Variants in NAALADL2 observed in about 807,000 individuals in gnomAD.
The protein encoded by NAALADL2 is N-acetylated alpha-linked acidic dipeptidase like 2, also known as inactive N-acetylated-alpha-linked acidic dipeptidase-like protein 2.
Under a neutral mutation model 87.2 loss-of-function variants are expected in NAALADL2, and 76 were observed. The ratio of observed to expected loss-of-function variants is 0.87; its 90% CI spans 0.72 to 1.05. The LOEUF (loss-of-function observed/expected upper bound fraction) is 1.05. Among genes scored for constraint, NAALADL2 ranks in the 50% least tolerant of loss-of-function variants. NAALADL2 has a pLI of 0.00. For missense variants in NAALADL2, 1,089 were observed against 945.8 expected (o/e 1.15, Z -1.99); for synonymous variants, 354 against 331.0 (o/e 1.07, Z -0.75).
At chr3:175,123,369 A>G (rs539485407) in intron 2 of NAALADL2, among the ~76,000 whole-genome samples, 3 of 152,028 alleles carry the variant, frequency 2.0e-5, no homozygotes, top group Admixed American at 6.6e-5. Context: ...CCAAGTCATG[A>G]TTTCTGTCAT....
chr3:174,993,491 T>C (rs753354247), intron 1 of NAALADL2, among the ~76,000 whole-genome samples: 3 of 151,912 alleles, frequency 2.0e-5, no homozygotes, highest in African/African-American at 7.3e-5. Flanking sequence ...ATAAATATTA[T>C]CAAAGGAAGG....
At chr3:174,735,520 A>G (rs570792543) in intron 2 of NAALADL2, among the ~76,000 whole-genome samples, 1 of 152,136 alleles carries the variant, frequency 6.6e-6, no homozygotes, top group Non-Finnish European at 1.5e-5. Context: ...AGAGATACTA[A>G]GTTACTTCCT....
intron 1 of NAALADL2, among the ~76,000 whole-genome samples, chr3:174,885,464 A>G (rs1729975241): frequency 6.6e-6 from 1 of 152,178 alleles, no homozygotes; most frequent in African/African-American, 2.4e-5. Flanking sequence ...ACATATGGTC[A>G]AAGGTATTAT....
chr3:175,077,970 C>A (rs1007104924), intron 1 of NAALADL2, among the ~76,000 whole-genome samples: 4 of 151,764 alleles, frequency 2.6e-5, no homozygotes, highest in Non-Finnish European at 4.4e-5. Context: ...ACTACCTACA[C>A]TCATAATGAG....
rs879732139 is a variant in NAALADL2 at position 174,566,775 on chromosome 3, AT to A, written c.-115+16150del. Reference sequence around the variant, plus strand: ...AAGTTTTCCTCTTGTTTCATTTTCAATTTTTTTTTTTTATTTCTAAAAGTTC... The same window carrying A: ...AAGTTTTCCTCTTGTTTCATTTTCAATTTTTTTTTTTATTTCTAAAAGTTC... On this transcript the variant is annotated intron_variant, in intron 2 of 3. Transcript: ENST00000434257. Among the ~76,000 whole-genome samples the A allele has an allele frequency of 5.0e-3, 705 of 140,974 alleles. 3 individuals are homozygous for A. The highest frequency in any genetic ancestry group is 7.5e-3 in the Middle Eastern group (2 of 268). 92.5% of individuals were successfully genotyped at this position (140,974 alleles called of 152,430 possible). A position where few individuals can be genotyped will look rare whatever the true frequency, so the allele number is the denominator to read the frequency against.
At chr3:175,599,272 C>T (rs1272083117) in intron 10 of NAALADL2, among the ~76,000 whole-genome samples, 1 of 151,878 alleles carries the variant, frequency 6.6e-6, no homozygotes, top group African/African-American at 2.4e-5. Context: ...TCCATAGTCC[C>T]AATAAAATTA....
At chr3:174,887,823 T>TC (rs1730362755) in intron 1 of NAALADL2, among the ~76,000 whole-genome samples, 1 of 145,800 alleles carries the variant, frequency 6.9e-6, no homozygotes, top group African/African-American at 2.5e-5. Context: ...TTGAGCATCT[T>TC]TTTTTTTTTT....
At chr3:174,710,336 G>C (rs1464938534) in intron 2 of NAALADL2, among the ~76,000 whole-genome samples, 1 of 149,946 alleles carries the variant, frequency 6.7e-6, no homozygotes, top group Non-Finnish European at 1.5e-5. Context: ...CTCACTGCAA[G>C]CTCTGCCTCC....
intron 1 of NAALADL2, among the ~76,000 whole-genome samples, chr3:175,084,719 G>A (rs867442121): frequency 4.0e-4 from 60 of 151,856 alleles, no homozygotes; most frequent in Admixed American, 3.8e-3. Flanking sequence ...ACATTTCTGT[G>A]GTCAAAGAAT....
In NAALADL2 at chr3:175,805,312, G is replaced by A. The variant is rs531018868; in HGVS notation, c.*2109G>A. 6 of 151,918 alleles carry A rather than the reference G, an allele frequency of 3.9e-5. No homozygotes were observed. Among genetic ancestry groups the A allele is most frequent in the East Asian group, 3.9e-4 (2 of 5,164 alleles). The allele number at this position is 151,918 out of a possible 1,614,324, so 9.4% of individuals were successfully genotyped here. On this transcript the variant is annotated 3_prime_UTR_variant, in exon 14 of 14. Transcript: ENST00000454872. ...CTTCTTCATTTTGTTTAAAGATTGC[G>A]TACCTAGGTAAGTCACACTGTATAG...
At chr3:175,690,066 T>G (rs918269542) in intron 11 of NAALADL2, among the ~76,000 whole-genome samples, 1 of 152,046 alleles carries the variant, frequency 6.6e-6, no homozygotes, top group African/African-American at 2.4e-5. Flanking sequence ...ACACAAAACA[T>G]ATAGAGAGTA....
chr3:175,489,125 A>G (rs1354883398), intron 9 of NAALADL2, among the ~76,000 whole-genome samples: 2 of 152,210 alleles, frequency 1.3e-5, no homozygotes, highest in African/African-American at 2.4e-5. Context: ...TAAAACTTCA[A>G]ATAAAACTAA....
chr3:175,100,764 G>A (rs561853505), intron 2 of NAALADL2, among the ~76,000 whole-genome samples: 9 of 151,156 alleles, frequency 6.0e-5, no homozygotes, highest in East Asian at 1.9e-4. Context: ...GCTTGAACTC[G>A]GGAGGCGGAG....
At position 175,701,638 on chromosome 3, in the gene NAALADL2, A is replaced by T. The variant is rs188240103; in HGVS notation, c.1897-35668A>T. ...TTAAACGTATCAAGCAGAATGAAAC[A>T]GCAGCAGAAGCTGACACCAGTGCAG... On this transcript the variant is annotated intron_variant, in intron 11 of 13. Transcript: ENST00000454872. Among the ~76,000 whole-genome samples, 320 of 152,272 alleles carry T rather than the reference A, an allele frequency of 2.1e-3. 4 individuals are homozygous for T. Among genetic ancestry groups the T allele is most frequent in the African/African-American group, 7.5e-3 (310 of 41,562 alleles).
chr3:174,466,367 G>A (rs1019554460), intron 1 of NAALADL2, among the ~76,000 whole-genome samples: 2 of 150,506 alleles, frequency 1.3e-5, no homozygotes, highest in African/African-American at 4.9e-5. Flanking sequence ...GTGTGTCCCA[G>A]GGAAGCCAAA....
chr3:175,595,577 G>T (rs1263937653), intron 10 of NAALADL2, among the ~76,000 whole-genome samples: 4 of 151,976 alleles, frequency 2.6e-5, no homozygotes, highest in Non-Finnish European at 1.5e-5. Context: ...AAAATCAGTA[G>T]CATTTCTAAA....
intron 1 of NAALADL2, among the ~76,000 whole-genome samples, chr3:174,483,162 T>G (rs555582651): frequency 6.6e-6 from 1 of 152,026 alleles, no homozygotes; most frequent in African/African-American, 2.4e-5. Context: ...GCAATGAAAA[T>G]AATTATATAT....
At chr3:175,686,906 C>G (rs1736373858) in intron 11 of NAALADL2, among the ~76,000 whole-genome samples, 1 of 152,118 alleles carries the variant, frequency 6.6e-6, no homozygotes, top group South Asian at 2.1e-4. Context: ...AAGTTATCTT[C>G]TATGTTTTCT....
At chr3:174,984,735 T>G (rs1745605230) in intron 1 of NAALADL2, among the ~76,000 whole-genome samples, 1 of 152,136 alleles carries the variant, frequency 6.6e-6, no homozygotes, top group Admixed American at 6.5e-5. Flanking sequence ...GAAGTAAACT[T>G]GAAGAAGGTA....
Sources: gnomAD v4.1 joint callset for allele counts (sites outside exome capture counted in the v4.1 genomes callset) on GRCh38, gnomAD v4.1.1 for gene constraint, MANE v1.5 for transcripts, NCBI Gene and HGNC (gene_info 2026-07-23, HGNC 2026-07-21) for gene names.